Variants in CTDP1 observed in about 807,000 individuals in gnomAD.
CTDP1 encodes the protein CTD phosphatase 1.
CTDP1 carries 47 observed loss-of-function variants against 91.8 expected under a neutral mutation model. That is an observed-to-expected ratio of 0.51 (90% CI 0.41 to 0.65). The LOEUF (loss-of-function observed/expected upper bound fraction) is 0.65. CTDP1 is among the 30% of genes least tolerant of loss of function. The probability of loss-of-function intolerance (pLI) is 0.00; values close to 1 mark genes in which losing one functional copy is unlikely to be tolerated. For missense variants in CTDP1, 1,272 were observed against 1,373.7 expected (o/e 0.93, Z 1.17); for synonymous variants, 656 against 598.5 (o/e 1.10, Z -1.40).
In CTDP1 at chr18:79,754,341, G is replaced by GGC. The variant is rs570273287; in HGVS notation, c.*552_*553dup. 114 of 157,974 alleles carry GGC rather than the reference G, an allele frequency of 7.2e-4. No homozygotes were observed. Among genetic ancestry groups the GGC allele is most frequent in the Middle Eastern group, 3.3e-3 (1 of 302 alleles). 9.8% of individuals were successfully genotyped at this position (157,974 alleles called of 1,614,324 possible). On this transcript the variant is annotated 3_prime_UTR_variant, in exon 13 of 13. Coordinates refer to ENST00000613122, the MANE Select transcript of CTDP1 (RefSeq NM_004715.5). ...CGCAGGGTCCACGCCACGTGGCCTG[G>GGC]GCTGCCATCCTGCCGTCCTCCCACT...
At chr18:79,697,746 T>TG (rs1168844729) in intron 3 of CTDP1, 114 bp from the exon 4 acceptor site, 8 of 1,485,648 alleles carry the variant, frequency 5.4e-6, no homozygotes, top group Admixed American at 1.7e-5. Context: ...CCATGGAGCG[T>TG]GGGGGGCTGG....
Position 79,717,619 on chromosome 18 carries a change from G to A in CTDP1, c.2153G>A (p.Trp718Ter). ...TGGCTGTGGAGCTGCCTGGAGCGCT[G>A]GGACAAGGTGGAGGAGCAGCTCTTC... ...PDWLWSCLER[W>*]DKVEEQLFPL... is the part of the protein sequence containing the mutation. The change falls in exon 9 of 13, where the codon TGG becomes TAG. Residue 718 changes from tryptophan to a stop codon, truncating the protein, a stop_gained. Coordinates refer to ENST00000613122, the MANE Select transcript of CTDP1 (RefSeq NM_004715.5). LOFTEE classifies it high-confidence loss of function. The A allele has an allele frequency of 3.1e-6, 5 of 1,614,004 alleles. No individual in the cohort carries two copies. The highest frequency in any genetic ancestry group is 3.4e-6 in the Non-Finnish European group (4 of 1,179,972).
intron 11 of CTDP1, among the ~76,000 whole-genome samples, chr18:79,734,695 T>C (rs904492798): frequency 1.3e-5 from 2 of 152,264 alleles, no homozygotes; most frequent in Non-Finnish European, 2.9e-5. Flanking sequence ...TTTTCTCTCT[T>C]GACAAGGTAT....
intron 12 of CTDP1, among the ~76,000 whole-genome samples, chr18:79,746,750 A>G (rs1025693430): frequency 1.3e-5 from 2 of 152,128 alleles, no homozygotes; most frequent in Non-Finnish European, 2.9e-5. Context: ...CCAAGTAGGT[A>G]GGACCACAGG....
intron 12 of CTDP1, among the ~76,000 whole-genome samples, chr18:79,738,465 C>G (rs1019594576): frequency 6.6e-6 from 1 of 152,214 alleles, no homozygotes; most frequent in African/African-American, 2.4e-5. Context: ...GTAGGAGCAG[C>G]GCCAGCCTCG....
At chr18:79,693,244 G>A (rs1043120151) in intron 1 of CTDP1, among the ~76,000 whole-genome samples, 3 of 151,760 alleles carry the variant, frequency 2.0e-5, no homozygotes, top group Admixed American at 6.6e-5. Context: ...GGGTTTGTGC[G>A]TTTTTTTTGT....
chr18:79,714,209 TA>T (rs1390096099), intron 7 of CTDP1, among the ~76,000 whole-genome samples: 1 of 152,176 alleles, frequency 6.6e-6, no homozygotes, highest in Admixed American at 6.5e-5. Context: ...AAATACTCAT[TA>T]GGGTATTTTG....
chr18:79,726,916 C>T (rs1235921756), intron 10 of CTDP1, among the ~76,000 whole-genome samples: 9 of 117,256 alleles, frequency 7.7e-5, no homozygotes, highest in African/African-American at 2.9e-4. Flanking sequence ...GGTGGGATGA[C>T]GCCGTTGCTG....
intron 1 of CTDP1, among the ~76,000 whole-genome samples, chr18:79,684,813 C>T (rs2085451674): frequency 6.6e-6 from 1 of 152,246 alleles, no homozygotes; most frequent in Non-Finnish European, 1.5e-5. Flanking sequence ...TTTTGTCGGG[C>T]TTCATCCTAT....
At chr18:79,700,845 A>G (rs1263408550) in intron 4 of CTDP1, among the ~76,000 whole-genome samples, 2 of 152,218 alleles carry the variant, frequency 1.3e-5, no homozygotes, top group Non-Finnish European at 2.9e-5. Flanking sequence ...GTTGGAGACT[A>G]ACTAATGCAG....
At chr18:79,716,922 C>T (rs1317795666) in intron 8 of CTDP1, among the ~76,000 whole-genome samples, 1 of 152,298 alleles carries the variant, frequency 6.6e-6, no homozygotes, top group African/African-American at 2.4e-5. Flanking sequence ...CTGCCTATCC[C>T]TGGCCTGGCA....
intron 4 of CTDP1, among the ~76,000 whole-genome samples, chr18:79,701,143 C>T (rs1320314944): frequency 6.6e-6 from 1 of 152,174 alleles, no homozygotes; most frequent in Non-Finnish European, 1.5e-5. Flanking sequence ...TGTTTTCATG[C>T]TGCTGACACC....
intron 5 of CTDP1, among the ~76,000 whole-genome samples, chr18:79,706,519 T>C (rs2085969302): frequency 6.6e-6 from 1 of 151,644 alleles, no homozygotes; most frequent in Non-Finnish European, 1.5e-5. Context: ...AAATTATTCC[T>C]CACGCTCATC....
intron 2 of CTDP1, 54 bp downstream of exon 2, chr18:79,695,362 T>C: frequency 1.3e-6 from 2 of 1,510,194 alleles, no homozygotes; most frequent in Non-Finnish European, 9.2e-7. Flanking sequence ...GGTGGTGGCC[T>C]CCGGGGAGTC....
In CTDP1 at chr18:79,717,808, A is replaced by G. The variant is rs753922701; in HGVS notation, c.2211-2A>G. The G allele has an allele frequency of 1.2e-6, 2 of 1,613,784 alleles. No individual in the cohort carries two copies. Among genetic ancestry groups the G allele is most frequent in the Non-Finnish European group, 8.5e-7 (1 of 1,179,990 alleles). The stretch of plus-strand genomic sequence containing the variant: ...ATGGCCCTCGTTCTCTTCCTCCGAC[A>G]GGGAGAACAGCCCTGCGGCCTTTCC... On this transcript the variant is annotated splice_acceptor_variant, in intron 9 of 12. Transcript: ENST00000613122. LOFTEE classifies it high-confidence loss of function.
chr18:79,699,317 G>A (rs2085809318), intron 4 of CTDP1, among the ~76,000 whole-genome samples: 1 of 152,202 alleles, frequency 6.6e-6, no homozygotes, highest in South Asian at 2.1e-4. Context: ...CTGGAGTGCA[G>A]TGGCAGGATC....
intron 6 of CTDP1, among the ~76,000 whole-genome samples, chr18:79,711,747 C>G (rs959067332): frequency 6.6e-6 from 1 of 152,256 alleles, no homozygotes; most frequent in Non-Finnish European, 1.5e-5. Flanking sequence ...AGCTCCAGAG[C>G]CCCTTCCTGT....
rs567370923 is a variant in CTDP1 at position 79,744,671 on chromosome 18, C to T, written c.2747+8150C>T. ...TTACGATGCTAAGAGCTGGATCCAT[C>T]GGGAAGAGTGACAGTTGCTAGCACA... On this transcript the variant is annotated intron_variant, in intron 12 of 12. Transcript: ENST00000613122. Among the ~76,000 whole-genome samples, 20 of 152,304 alleles carry T rather than the reference C, an allele frequency of 1.3e-4. No individual in the cohort carries two copies. The East Asian group carries it at 1.9e-3, about 15-fold the overall frequency.
At chr18:79,692,121 C>T (rs1408998136) in intron 1 of CTDP1, among the ~76,000 whole-genome samples, 1 of 96,832 alleles carries the variant, frequency 1.0e-5, no homozygotes, top group African/African-American at 4.3e-5. Flanking sequence ...GAAGAGTGGA[C>T]GGCTCCCAGG....
Sources: allele counts gnomAD v4.1 joint callset (sites outside exome capture counted in the v4.1 genomes callset), GRCh38; gene constraint gnomAD v4.1.1; transcripts MANE v1.5; gene names NCBI Gene and HGNC (gene_info 2026-07-23, HGNC 2026-07-21).